The following PURA variants were observed in gnomAD, a reference collection of about 807,000 sequenced individuals.
The protein encoded by PURA is purine rich element binding protein A, also known as transcriptional activator protein Pur-alpha.
PURA carries 2 observed loss-of-function variants against 23.1 expected under a neutral mutation model. That is an observed-to-expected ratio of 0.09 (90% CI 0.04 to 0.27). The LOEUF (loss-of-function observed/expected upper bound fraction) is 0.27. PURA is among the 10% of genes least tolerant of loss of function. The pLI is 1.00. For synonymous variants in PURA, 254 were observed against 205.9 expected, an observed-to-expected ratio of 1.23 and a Z score of -2.00; for missense variants, 187 against 449.7, an observed-to-expected ratio of 0.42 and a Z score of 5.28.
Position 140,114,354 on chromosome 5 carries a change from C to T in PURA, c.173C>T (p.Thr58Met). The T allele has an allele frequency of 6.3e-7, 1 of 1,594,166 alleles. No homozygotes were observed. Among genetic ancestry groups the T allele is most frequent in the Non-Finnish European group, 8.5e-7 (1 of 1,175,318 alleles). Residue 58 changes from threonine to methionine, a missense_variant, in exon 1 of 1, where the codon ACG becomes ATG. This residue lies in a region of PURA where 27 missense variants were observed against 55.2 expected (regional missense o/e 0.49). Transcript: ENST00000331327. ...GGAPGGLQHETQELASKRVDI... is the reference protein window; with the variant it reads ...GGAPGGLQHEMQELASKRVDI... Reference sequence around the variant, plus strand: ...GCCCCAGGGGGGCTGCAGCACGAGACGCAGGAGCTGGCCTCCAAGCGGGTG... The same window carrying T: ...GCCCCAGGGGGGCTGCAGCACGAGATGCAGGAGCTGGCCTCCAAGCGGGTG...
rs982476746 is a variant in PURA, at chr5:140,115,859, CAAT to C, written c.*712_*714del. The stretch of plus-strand genomic sequence containing the variant: ...GTAGGTTTAATTCATGCAAGGTAAA[CAAT>C]AAGTGCTCTCTTTTATACAATATGC... On this transcript the variant is annotated 3_prime_UTR_variant, in exon 1 of 1. Transcript: ENST00000331327. This position sits in a 1 kb window ranked among gnomAD's most constrained non-coding sequence, Gnocchi z 4.1. The C allele has an allele frequency of 1.2e-5, 2 of 166,938 alleles. No individual in the cohort carries two copies. Among genetic ancestry groups the C allele is most frequent in the African/African-American group, 2.4e-5 (1 of 41,434 alleles). 10.3% of individuals were successfully genotyped at this position (166,938 alleles called of 1,614,324 possible). A position where few individuals can be genotyped will look rare whatever the true frequency, so the allele number is the denominator to read the frequency against.
In PURA at chr5:140,124,555, T is replaced by C. The variant is rs1007630563; in HGVS notation, c.*9405T>C. 1 of 167,046 alleles carries C rather than the reference T, an allele frequency of 6.0e-6. No individual in the cohort carries two copies. Among genetic ancestry groups the C allele is most frequent in the Non-Finnish European group, 1.5e-5 (1 of 68,086 alleles). 10.3% of individuals were successfully genotyped at this position (167,046 alleles called of 1,614,324 possible). ...GCTTTGTTTTTACTTTGGGTAGAAGTTTAACTTCCATTGTTCAGATTTTAG... is the reference window on the plus strand; with the variant it reads ...GCTTTGTTTTTACTTTGGGTAGAAGCTTAACTTCCATTGTTCAGATTTTAG... On this transcript the variant is annotated 3_prime_UTR_variant, in exon 1 of 1. Transcript: ENST00000331327.
Position 140,114,679 on chromosome 5 carries a change from C to G in PURA, c.498C>G (p.Arg166=), listed in dbSNP as rs752590766. The G allele has an allele frequency of 1.2e-6, 2 of 1,612,282 alleles. No homozygotes were observed. The highest frequency in any genetic ancestry group is 8.5e-7 in the Non-Finnish European group (1 of 1,179,816). ...YMDLKENQRG[R]FLRIRQTVNR... ...ATCTCAAGGAGAACCAGCGCGGCCGCTTCCTGCGCATCCGCCAGACGGTCA... is the reference window on the plus strand; with the variant it reads ...ATCTCAAGGAGAACCAGCGCGGCCGGTTCCTGCGCATCCGCCAGACGGTCA... The change falls in exon 1 of 1, where the codon CGC becomes CGG. Residue 166 remains arginine, a synonymous_variant. Transcript: ENST00000331327.
chr5:140,117,989 C>G lies in PURA; in HGVS notation c.*2839C>G, dbSNP rs1763107172. The G allele has an allele frequency of 6.0e-6, 1 of 166,962 alleles. No homozygotes were observed. The highest frequency in any genetic ancestry group is 1.5e-5 in the Non-Finnish European group (1 of 68,082). 10.3% of individuals were successfully genotyped at this position (166,962 alleles called of 1,614,324 possible). On this transcript the variant is annotated 3_prime_UTR_variant, in exon 1 of 1. Transcript: ENST00000331327. Reference sequence around the variant, plus strand: ...CCTCTTCTGTTGCATCCTTTCCCTACCCTTCCCTCCCAGGTGCTCGGTACT... The same window carrying G: ...CCTCTTCTGTTGCATCCTTTCCCTAGCCTTCCCTCCCAGGTGCTCGGTACT...
chr5:140,114,563 C>G lies in PURA; in HGVS notation c.382C>G (p.Gln128Glu). The change falls in exon 1 of 1, where the codon CAG becomes GAG. Residue 128 changes from glutamine to glutamate, a missense_variant. Transcript: ENST00000331327. Reference sequence around the variant, plus strand: ...GCACTACGCGCAGCTGGGCCCCAGCCAGCCGCCGGACCTGGCCCAGGCGCA... The same window carrying G: ...GCACTACGCGCAGCTGGGCCCCAGCGAGCCGCCGGACCTGGCCCAGGCGCA... ...IEHYAQLGPS[Q>E]PPDLAQAQDE... 1 of 1,602,190 alleles carries G rather than the reference C, an allele frequency of 6.2e-7. No homozygotes were observed. Among genetic ancestry groups the G allele is most frequent in the Non-Finnish European group, 8.5e-7 (1 of 1,176,306 alleles).
chr5:140,119,498 TGGAA>T lies in PURA; in HGVS notation c.*4351_*4354del, dbSNP rs1451085709. ...TAAGGAAAACTGAATTAAATTTGGG[TGGAA>T]GGGAGGGGGAAAAGATAAATCCGTT... On this transcript the variant is annotated 3_prime_UTR_variant, in exon 1 of 1. Transcript: ENST00000331327. 1.8e-5 allele frequency: 3 copies of T among 166,672 alleles called. No individual in the cohort carries two copies. Among genetic ancestry groups the T allele is most frequent in the Admixed American group, 1.3e-4 (2 of 15,210 alleles). The allele number at this position is 166,672 out of a possible 1,614,324, so 10.3% of individuals were successfully genotyped here.
At position 140,114,757 on chromosome 5, in the gene PURA, G is replaced by T. The variant is rs748792707; in HGVS notation, c.576G>T (p.Ala192=). 4.3e-6 allele frequency: 7 copies of T among 1,612,518 alleles called. No homozygotes were observed. In the Admixed American group the frequency reaches 1.2e-4, roughly 27 times the overall value. ...STQGQTIALP[A]QGLIEFRDAL... ...AGGGCCAGACCATTGCGCTGCCCGC[G>T]CAGGGGCTCATCGAGTTCCGTGACG... The change falls in exon 1 of 1, where the codon GCG becomes GCT. Residue 192 remains alanine, a synonymous_variant. Transcript: ENST00000331327.
In PURA at chr5:140,115,275, A is replaced by AC; in HGVS notation, c.*125_*126insC. 1 of 696,650 alleles carries AC rather than the reference A, an allele frequency of 1.4e-6. No individual in the cohort carries two copies. Among genetic ancestry groups the AC allele is most frequent in the Non-Finnish European group, 2.2e-6 (1 of 459,066 alleles). The allele number at this position is 696,650 out of a possible 1,614,324, so 43.2% of individuals were successfully genotyped here. ...AGTTAAAAAGTTAAAAAAAAAAAAA[A>AC]ACCTGTTAACTCCAAGGGAGCACCA... On this transcript the variant is annotated 3_prime_UTR_variant, in exon 1 of 1. Coordinates refer to ENST00000331327, the MANE Select transcript of PURA (RefSeq NM_005859.5). This position sits in a 1 kb window ranked among gnomAD's most constrained non-coding sequence, Gnocchi z 4.1.
At position 140,118,061 on chromosome 5, in the gene PURA, GT is replaced by G. The variant is rs1763108432; in HGVS notation, c.*2916del. 2 of 166,732 alleles carry G rather than the reference GT, an allele frequency of 1.2e-5. No homozygotes were observed. Among genetic ancestry groups the G allele is most frequent in the African/African-American group, 4.8e-5 (2 of 41,460 alleles). 10.3% of individuals were successfully genotyped at this position (166,732 alleles called of 1,614,324 possible). A position where few individuals can be genotyped will look rare whatever the true frequency, so the allele number is the denominator to read the frequency against. ...GTGTTTTATGTTGGAATTTTTCCTT[GT>G]TTTTATTTTACTAGTTGGTAAACCC... is the stretch of plus-strand genomic sequence containing the variant. On this transcript the variant is annotated 3_prime_UTR_variant, in exon 1 of 1. Transcript: ENST00000331327.
At position 140,114,719 on chromosome 5, in the gene PURA, C is replaced by G. The variant is rs1417709811; in HGVS notation, c.538C>G (p.Leu180Val). The part of the protein sequence containing the change: ...IRQTVNRGPG[L>V]GSTQGQTIAL... ...CCAGACGGTCAACCGGGGGCCTGGC[C>G]TGGGCTCCACGCAGGGCCAGACCAT... Residue 180 changes from leucine to valine, a missense_variant, in exon 1 of 1, where the codon CTG becomes GTG. Leu to Val is a conservative substitution (Grantham distance 32, BLOSUM62 1). Coordinates refer to ENST00000331327, the MANE Select transcript of PURA (RefSeq NM_005859.5). 1 of 1,612,996 alleles carries G rather than the reference C, an allele frequency of 6.2e-7. No homozygotes were observed. The highest frequency in any genetic ancestry group is 2.2e-5 in the East Asian group (1 of 44,874).
chr5:140,122,989 T>C lies in PURA; in HGVS notation c.*7839T>C, dbSNP rs146795781. 2.1e-3 allele frequency: 347 copies of C among 167,048 alleles called. 2 individuals are homozygous for C. The highest frequency in any genetic ancestry group is 7.5e-3 in the African/African-American group (311 of 41,558). The allele number at this position is 167,048 out of a possible 1,614,324, so 10.3% of individuals were successfully genotyped here. ...TAGCAAAAAAGTGGTTCTGATTTTG[T>C]ACTTTGAAGGTAATTTTTCTTTTTT... On this transcript the variant is annotated 3_prime_UTR_variant, in exon 1 of 1. Transcript: ENST00000331327.
rs1353409708 is a variant in PURA at position 140,121,793 on chromosome 5, G to A, written c.*6643G>A. The A allele has an allele frequency of 1.8e-5, 3 of 166,876 alleles. No individual in the cohort carries two copies. The highest frequency in any genetic ancestry group is 1.9e-4 in the East Asian group (1 of 5,198). 10.3% of individuals were successfully genotyped at this position (166,876 alleles called of 1,614,324 possible). On this transcript the variant is annotated 3_prime_UTR_variant, in exon 1 of 1. Coordinates refer to ENST00000331327, the MANE Select transcript of PURA (RefSeq NM_005859.5). ...ACTTGTGAACTGAAGAGAGTAAGAA[G>A]TATGTGTATTTTAGGTAAGTTACTG...
In PURA at chr5:140,120,251, G is replaced by A. The variant is rs10050453; in HGVS notation, c.*5101G>A. 6.0e-6 allele frequency: 1 copy of A among 166,616 alleles called. No individual in the cohort carries two copies. Among genetic ancestry groups the A allele is most frequent in the African/African-American group, 2.4e-5 (1 of 41,352 alleles). 10.3% of individuals were successfully genotyped at this position (166,616 alleles called of 1,614,324 possible). ...ATATGTATATATACATTGTGTGTGT[G>A]TATATGTATATAGATACACACATCT... is the stretch of plus-strand genomic sequence containing the variant. On this transcript the variant is annotated 3_prime_UTR_variant, in exon 1 of 1. Coordinates refer to ENST00000331327, the MANE Select transcript of PURA (RefSeq NM_005859.5).
rs1203312453 is a variant in PURA, at chr5:140,114,459, C to G, written c.278C>G (p.Ala93Gly). 1.9e-6 allele frequency: 3 copies of G among 1,612,732 alleles called. No individual in the cohort carries two copies. The highest frequency in any genetic ancestry group is 1.7e-6 in the Non-Finnish European group (2 of 1,179,694). The change falls in exon 1 of 1, where the codon GCG becomes GGG. Residue 93 changes from alanine (A) to glycine (G), a missense_variant. Around this residue, in one of 9 missense-constraint regions of PURA, gnomAD observed 24 missense variants for 75.2 expected, o/e 0.32. Coordinates refer to ENST00000331327, the MANE Select transcript of PURA (RefSeq NM_005859.5). ...GRFLKIAEVGAGGNKSRLTLS... is the reference protein window; with the variant it reads ...GRFLKIAEVGGGGNKSRLTLS... ...TTCCTGAAGATCGCCGAGGTGGGCG[C>G]GGGCGGCAACAAGAGCCGCCTTACT...
rs1581038957 is a variant in PURA, at chr5:140,121,311, T to C, written c.*6161T>C. 1 of 167,092 alleles carries C rather than the reference T, an allele frequency of 6.0e-6. No homozygotes were observed. The highest frequency in any genetic ancestry group is 1.9e-4 in the East Asian group (1 of 5,198). 10.4% of individuals were successfully genotyped at this position (167,092 alleles called of 1,614,324 possible). A position where few individuals can be genotyped will look rare whatever the true frequency, so the allele number is the denominator to read the frequency against. ...GAGGATTTAAGAAAATATGTCCTTA[T>C]CGTGAAGTGGCAGTTAAAGTTATGG... On this transcript the variant is annotated 3_prime_UTR_variant, in exon 1 of 1. Coordinates refer to ENST00000331327, the MANE Select transcript of PURA (RefSeq NM_005859.5).
In PURA at chr5:140,119,394, T is replaced by G. The variant is rs2126751613; in HGVS notation, c.*4244T>G. ...GAAGCCAAGTGATCAAGTACATTTG[T>G]AATAAAAGTCAATGGATCTATATCA... On this transcript the variant is annotated 3_prime_UTR_variant, in exon 1 of 1. Coordinates refer to ENST00000331327, the MANE Select transcript of PURA (RefSeq NM_005859.5). The G allele has an allele frequency of 6.0e-6, 1 of 167,054 alleles. No homozygotes were observed. The highest frequency in any genetic ancestry group is 2.1e-4 in the South Asian group (1 of 4,826). 10.3% of individuals were successfully genotyped at this position (167,054 alleles called of 1,614,324 possible). A position where few individuals can be genotyped will look rare whatever the true frequency, so the allele number is the denominator to read the frequency against.
In PURA at chr5:140,120,128, T is replaced by C. The variant is rs1244895300; in HGVS notation, c.*4978T>C. On this transcript the variant is annotated 3_prime_UTR_variant, in exon 1 of 1. Coordinates refer to ENST00000331327, the MANE Select transcript of PURA (RefSeq NM_005859.5). ...CTGTAGCAACTTAGGTTTGGAATAG[T>C]TGGTGATGACTCTGAGTATAACATT... 1.8e-5 allele frequency: 3 copies of C among 166,826 alleles called. No homozygotes were observed. The highest frequency in any genetic ancestry group is 4.4e-5 in the Non-Finnish European group (3 of 67,934). The allele number at this position is 166,826 out of a possible 1,614,324, so 10.3% of individuals were successfully genotyped here.
At position 140,115,102 on chromosome 5, in the gene PURA, C is replaced by T. The variant is rs755327082; in HGVS notation, c.921C>T (p.Ala307=). ...AACAGCAGCAGCAGGAGGAGACCGC[C>T]GCTGCCACCCTGCTACTGCAGGGTG... ...QQQQQQQEET[A]AATLLLQGEE... is the part of the protein sequence containing the mutation. The change falls in exon 1 of 1, where the codon GCC becomes GCT. Residue 307 remains alanine, a synonymous_variant. Transcript: ENST00000331327. This position sits in a 1 kb window ranked among gnomAD's most constrained non-coding sequence, Gnocchi z 4.1. The T allele has an allele frequency of 9.3e-6, 15 of 1,608,094 alleles. No homozygotes were observed. The highest frequency in any genetic ancestry group is 1.7e-5 in the Admixed American group (1 of 59,006).
Position 140,114,503 on chromosome 5 carries a change from G to A in PURA, c.322G>A (p.Val108Met). The change falls in exon 1 of 1, where the codon GTG becomes ATG. Residue 108 changes from valine to methionine, a missense_variant. Transcript: ENST00000331327. ...SRLTLSMSVA[V>M]EFRDYLGDFI... Reference sequence around the variant, plus strand: ...CCTTACTCTCTCCATGTCAGTGGCCGTGGAGTTCCGCGACTACCTGGGCGA... The same window carrying A: ...CCTTACTCTCTCCATGTCAGTGGCCATGGAGTTCCGCGACTACCTGGGCGA... 1 of 1,611,040 alleles carries A rather than the reference G, an allele frequency of 6.2e-7. No homozygotes were observed. The highest frequency in any genetic ancestry group is 8.5e-7 in the Non-Finnish European group (1 of 1,179,200).
Sources: gnomAD v4.1 joint callset for allele counts on GRCh38, gnomAD v4.1.1 for gene constraint, gnomAD v4.1.1 regional missense constraint, Gnocchi (gnomAD v3.1) non-coding constraint, MANE v1.5 for transcripts, NCBI Gene and HGNC (gene_info 2026-07-23, HGNC 2026-07-21) for gene names.